Variants in CLVS1 observed in about 807,000 individuals in gnomAD.
The protein encoded by CLVS1 is clavesin 1, also known as clavesin-1.
CLVS1 carries 10 observed loss-of-function variants against 33.1 expected under a neutral mutation model. The observed-to-expected ratio is 0.30, with a 90% CI of 0.19 to 0.51. CLVS1 has a LOEUF of 0.51. Among genes scored for constraint, CLVS1 ranks in the 20% least tolerant of loss-of-function variants. The probability of loss-of-function intolerance (pLI) is 0.97; values close to 1 mark genes in which losing one functional copy is unlikely to be tolerated. For synonymous variants in CLVS1, 163 were observed against 166.1 expected, an observed-to-expected ratio of 0.98 and a Z score of 0.14; for missense variants, 343 against 433.4, an observed-to-expected ratio of 0.79 and a Z score of 1.85.
chr8:61,392,568 A>G (rs953264915), intron 3 of CLVS1, among the ~76,000 whole-genome samples: 2 of 152,182 alleles, frequency 1.3e-5, no homozygotes, highest in African/African-American at 4.8e-5. Flanking sequence ...ACTTATGATT[A>G]GAATGATAGC....
At chr8:61,416,413 A>G (rs1187345684) in intron 3 of CLVS1, among the ~76,000 whole-genome samples, 1 of 152,028 alleles carries the variant, frequency 6.6e-6, no homozygotes, top group East Asian at 1.9e-4. Flanking sequence ...TGAATTTTGT[A>G]TTGGTTCATC....
chr8:61,249,836 T>C (rs976375200), intron 2 of CLVS1, among the ~76,000 whole-genome samples: 20 of 152,218 alleles, frequency 1.3e-4, no homozygotes, highest in Admixed American at 9.8e-4. Context: ...GATGTATACA[T>C]TGCAAAAATT....
the CLVS1 span, among the ~76,000 whole-genome samples, chr8:61,041,097 T>C: frequency 6.6e-4 from 101 of 152,266 alleles, 1 homozygote; most frequent in African/African-American, 2.2e-3. Flanking sequence ...GGAGTCCTTT[T>C]CTTATTGCAT....
chr8:61,068,909 C>G (rs542059172), intron 1 of CLVS1, among the ~76,000 whole-genome samples: 1 of 152,196 alleles, frequency 6.6e-6, no homozygotes, highest in East Asian at 1.9e-4. Flanking sequence ...TAGATTTCTA[C>G]TCCAGCCTGA....
intron 2 of CLVS1, among the ~76,000 whole-genome samples, chr8:61,200,181 C>T (rs578070494): frequency 3.2e-4 from 48 of 152,210 alleles, no homozygotes; most frequent in Non-Finnish European, 6.2e-4. Context: ...TGCAGTGGTG[C>T]GATCTCGGCT....
intron 2 of CLVS1, among the ~76,000 whole-genome samples, chr8:61,179,488 C>A (rs541014273): frequency 4.6e-5 from 7 of 152,064 alleles, no homozygotes; most frequent in African/African-American, 1.7e-4. Context: ...TGGATAAAGT[C>A]GACTTAATAG....
chr8:61,136,199 C>CCAATATG (rs1432197110), intron 2 of CLVS1, among the ~76,000 whole-genome samples: 1 of 152,196 alleles, frequency 6.6e-6, no homozygotes, highest in African/African-American at 2.4e-5. Flanking sequence ...GGAAGAGTAT[C>CCAATATG]ACTGGAGGGT....
intron 2 of CLVS1, among the ~76,000 whole-genome samples, chr8:61,280,808 TG>T (rs1267339348): frequency 6.6e-6 from 1 of 152,160 alleles, no homozygotes; most frequent in African/African-American, 2.4e-5. Flanking sequence ...GTGTATTTTT[TG>T]TAGAGATGAG....
intron 2 of CLVS1, among the ~76,000 whole-genome samples, chr8:61,165,386 G>T (rs2163610): frequency 1.3e-5 from 2 of 152,118 alleles, no homozygotes; most frequent in Admixed American, 6.5e-5. Flanking sequence ...GGACCCAAAG[G>T]GGGTTGCCCT....
At chr8:61,310,662 T>C (rs1349571321) in intron 2 of CLVS1, among the ~76,000 whole-genome samples, 1 of 152,202 alleles carries the variant, frequency 6.6e-6, no homozygotes, top group Admixed American at 6.5e-5. Flanking sequence ...ATGTTCAAAA[T>C]CCTTACCCAA....
intron 3 of CLVS1, among the ~76,000 whole-genome samples, chr8:61,407,167 A>G (rs1163870696): frequency 6.6e-6 from 1 of 152,224 alleles, no homozygotes; most frequent in Non-Finnish European, 1.5e-5. Context: ...AAAACTCCAG[A>G]GAACATTTGG....
At chr8:61,252,587 G>A (rs188413441) in intron 2 of CLVS1, among the ~76,000 whole-genome samples, 1 of 152,250 alleles carries the variant, frequency 6.6e-6, no homozygotes, top group African/African-American at 2.4e-5. Context: ...CTTGCTTTAT[G>A]AATCTGGGTG....
intron 2 of CLVS1, among the ~76,000 whole-genome samples, chr8:61,183,062 C>T (rs111373809): frequency 0.04 from 6,016 of 151,840 alleles, 143 homozygotes; most frequent in African/African-American, 0.054. Context: ...AACCAAACAT[C>T]GCATGTTCTC....
chr8:61,197,377 G>C (rs1481842957), intron 2 of CLVS1, among the ~76,000 whole-genome samples: 3 of 152,058 alleles, frequency 2.0e-5, no homozygotes, highest in Admixed American at 6.6e-5. Flanking sequence ...TTTGTTTCTG[G>C]GTTCTCAATT....
chr8:61,172,990 G>A (rs745438445), intron 2 of CLVS1, among the ~76,000 whole-genome samples: 3 of 152,192 alleles, frequency 2.0e-5, no homozygotes, highest in African/African-American at 2.4e-5. Context: ...TGGAGGCTGG[G>A]AATTATATTC....
intron 1 of CLVS1, among the ~76,000 whole-genome samples, chr8:61,085,728 C>T (rs1375358994): frequency 8.7e-6 from 1 of 115,106 alleles, no homozygotes; most frequent in African/African-American, 3.0e-5. Context: ...CCATCCCTAC[C>T]AAAAAAAAAA....
At chr8:61,443,942 TA>T (rs1183152462) in intron 3 of CLVS1, among the ~76,000 whole-genome samples, 1 of 152,160 alleles carries the variant, frequency 6.6e-6, no homozygotes, top group Admixed American at 6.5e-5. Flanking sequence ...ATACAAATTC[TA>T]AATATGTTTT....
At chr8:61,042,670 A>C in the CLVS1 span, among the ~76,000 whole-genome samples, 1 of 143,104 alleles carries the variant, frequency 7.0e-6, no homozygotes, top group African/African-American at 2.8e-5. Context: ...AAAAATTTTC[A>C]GGAGGTCAGG....
At chr8:61,269,422 T>C (rs1024745182) in intron 2 of CLVS1, among the ~76,000 whole-genome samples, 3 of 151,998 alleles carry the variant, frequency 2.0e-5, no homozygotes, top group African/African-American at 7.2e-5. Context: ...TACTGTAGCC[T>C]TGTAGTATAG....
Sources: gnomAD v4.1 joint callset for allele counts (sites outside exome capture counted in the v4.1 genomes callset) on GRCh38, gnomAD v4.1.1 for gene constraint, MANE v1.5 for transcripts, NCBI Gene and HGNC (gene_info 2026-07-23, HGNC 2026-07-21) for gene names.